The following UCK2 variants were observed in gnomAD, a reference collection of about 807,000 sequenced individuals.
UCK2 encodes the protein uridine-cytidine kinase 2.
Under a neutral mutation model 30.8 loss-of-function variants are expected in UCK2, and 6 were observed. The observed-to-expected ratio is 0.19, with a 90% CI of 0.11 to 0.38. The LOEUF is 0.38. Ranked by LOEUF, UCK2 falls within the 10% of genes least tolerant of loss-of-function variation. The pLI, the probability that UCK2 is intolerant of heterozygous loss-of-function variation, is 1.00. For synonymous variants in UCK2, 125 were observed against 133.6 expected (o/e 0.94, Z 0.45); for missense variants, 210 against 339.8 (o/e 0.62, Z 3.00).
chr1:165,904,303 G>C (rs1459945178), intron 5 of UCK2: 1 of 152,138 alleles, frequency 6.6e-6, no homozygotes, highest in African/African-American at 2.4e-5. Flanking sequence ...ACTTGACTTT[G>C]GTTTAAATGC....
chr1:165,877,055 G>A (rs1039044564), intron 1 of UCK2, among the ~76,000 whole-genome samples: 8 of 152,068 alleles, frequency 5.3e-5, no homozygotes, highest in East Asian at 1.9e-4. Flanking sequence ...GAATATGATC[G>A]TAGATTTTGG....
At chr1:165,846,764 G>A (rs147416829) in intron 1 of UCK2, among the ~76,000 whole-genome samples, 1 of 152,216 alleles carries the variant, frequency 6.6e-6, no homozygotes, top group African/African-American at 2.4e-5. Flanking sequence ...CTTGATTTAG[G>A]GATTAGAACA....
At chr1:165,861,394 C>T (rs374917138) in intron 1 of UCK2, among the ~76,000 whole-genome samples, 1,673 of 151,862 alleles carry the variant, frequency 0.011, 51 homozygotes, top group African/African-American at 0.038. Context: ...TTTGGGAGGC[C>T]GAGGCGGGCG....
intron 2 of UCK2, chr1:165,891,004 G>GA (rs1366077430): frequency 2.1e-6 from 1 of 480,648 alleles, no homozygotes; most frequent in Non-Finnish European, 3.8e-6. Flanking sequence ...TCAAAGGAGA[G>GA]AAAAAAGAAA....
chr1:165,903,336 T>C, intron 5 of UCK2, 57 bp downstream of exon 5: 2 of 1,509,440 alleles, frequency 1.3e-6, no homozygotes, highest in East Asian at 2.3e-5. Context: ...TTTGATGATA[T>C]AAACGAAGGT....
chr1:165,887,854 A>T (rs1417092831), intron 1 of UCK2, among the ~76,000 whole-genome samples: 1 of 152,084 alleles, frequency 6.6e-6, no homozygotes, highest in Non-Finnish European at 1.5e-5. Flanking sequence ...TATCATATGA[A>T]AGTTTTACTG....
At chr1:165,844,610 C>T (rs185405213) in intron 1 of UCK2, among the ~76,000 whole-genome samples, 2 of 152,284 alleles carry the variant, frequency 1.3e-5, no homozygotes, top group Admixed American at 1.3e-4. Context: ...TGGCTGGTTG[C>T]TAAGGGAACG....
intron 1 of UCK2, among the ~76,000 whole-genome samples, chr1:165,854,351 A>T (rs999784075): frequency 6.6e-6 from 1 of 152,176 alleles, no homozygotes; most frequent in African/African-American, 2.4e-5. Context: ...AGAACAAATT[A>T]TGTCTGCTCC....
chr1:165,869,072 ATGCCC>A (rs1448371211), intron 1 of UCK2, among the ~76,000 whole-genome samples: 12 of 152,222 alleles, frequency 7.9e-5, no homozygotes, highest in Non-Finnish European at 1.6e-4. Flanking sequence ...AGACAGTGGA[ATGCCC>A]CAGTCAGTGG....
At chr1:165,868,396 A>G (rs1037251376) in intron 1 of UCK2, among the ~76,000 whole-genome samples, 3 of 152,220 alleles carry the variant, frequency 2.0e-5, no homozygotes, top group Admixed American at 1.3e-4. Flanking sequence ...TCTAGCTGCG[A>G]AAGTCTTAGA....
intron 1 of UCK2, among the ~76,000 whole-genome samples, chr1:165,850,926 AATTTTTTTTT>A (rs1217612976): frequency 2.4e-4 from 22 of 91,490 alleles, no homozygotes; most frequent in African/African-American, 8.3e-4. Flanking sequence ...CTGGCCTTTA[AATTTTTTTTT>A]TTTTTTTTTT....
intron 1 of UCK2, among the ~76,000 whole-genome samples, chr1:165,832,654 G>T (rs1654080003): frequency 6.6e-6 from 1 of 152,056 alleles, no homozygotes; most frequent in African/African-American, 2.4e-5. Context: ...TGTCACCCAG[G>T]CTGGAGTGCA....
At chr1:165,854,334 G>A (rs1654671586) in intron 1 of UCK2, among the ~76,000 whole-genome samples, 1 of 152,180 alleles carries the variant, frequency 6.6e-6, no homozygotes, top group Non-Finnish European at 1.5e-5. Context: ...CACTAGGTGG[G>A]GGATGGAGAA....
At chr1:165,868,603 C>G (rs1184376297) in intron 1 of UCK2, among the ~76,000 whole-genome samples, 5 of 152,174 alleles carry the variant, frequency 3.3e-5, no homozygotes, top group African/African-American at 9.7e-5. Flanking sequence ...CCTCTGTTAG[C>G]TTCAAACTTT....
rs568566497 is a variant in UCK2 at position 165,893,787 on chromosome 1, T to A, written c.357-2403T>A. Among the ~76,000 whole-genome samples, 4 of 152,352 alleles carry A rather than the reference T, an allele frequency of 2.6e-5. No homozygotes were observed. The South Asian group carries it at 8.3e-4, about 32-fold the overall frequency. ...AACTCTGAGCTGTTATGACAGTTTT[T>A]AGACCTGCGTTTGGACTTGGGAAAT... On this transcript the variant is annotated intron_variant, in intron 3 of 6. Coordinates refer to ENST00000367879, the MANE Select transcript of UCK2 (RefSeq NM_012474.5).
At chr1:165,850,824 G>A (rs1164583007) in intron 1 of UCK2, among the ~76,000 whole-genome samples, 1 of 150,662 alleles carries the variant, frequency 6.6e-6, no homozygotes, top group Non-Finnish European at 1.5e-5. Context: ...GGGTTTCACC[G>A]TGTTAGCCAG....
At chr1:165,887,927 T>A (rs1655662005) in intron 1 of UCK2, among the ~76,000 whole-genome samples, 1 of 152,218 alleles carries the variant, frequency 6.6e-6, no homozygotes, top group South Asian at 2.1e-4. Context: ...GTTTTAAATG[T>A]TTTTCTGTGT....
At chr1:165,895,405 G>GA (rs1655874186) in intron 3 of UCK2, 1 of 905,120 alleles carries the variant, frequency 1.1e-6, no homozygotes, top group Non-Finnish European at 1.3e-6. Context: ...GTGACAAAGT[G>GA]AGACCCTGTC....
intron 1 of UCK2, among the ~76,000 whole-genome samples, chr1:165,876,881 C>T (rs1655350552): frequency 6.6e-6 from 1 of 152,218 alleles, no homozygotes; most frequent in Non-Finnish European, 1.5e-5. Flanking sequence ...GGCTTTCCCT[C>T]ATGTCTCCGT....
Sources: allele counts gnomAD v4.1 joint callset (sites outside exome capture counted in the v4.1 genomes callset), GRCh38; gene constraint gnomAD v4.1.1; transcripts MANE v1.5; gene names NCBI Gene and HGNC (gene_info 2026-07-23, HGNC 2026-07-21).